AGBL4: variants seen among roughly 807,000 people sequenced by gnomAD.
AGBL4 encodes the protein AGBL carboxypeptidase 4, also known as cytosolic carboxypeptidase 6.
Under a neutral mutation model 66.4 loss-of-function variants are expected in AGBL4, and 58 were observed. The ratio of observed to expected loss-of-function variants is 0.87; its 90% CI spans 0.71 to 1.09. The LOEUF (loss-of-function observed/expected upper bound fraction) is 1.09. Ranked by LOEUF, AGBL4 falls within the 50% of genes least tolerant of loss-of-function variation. AGBL4 has a pLI of 0.00. For missense variants in AGBL4, 579 were observed against 631.0 expected (o/e 0.92, Z 0.88); for synonymous variants, 234 against 222.9 (o/e 1.05, Z -0.44).
At chr1:49,301,386 T>C (rs1161910408) in intron 3 of AGBL4, among the ~76,000 whole-genome samples, 2 of 152,250 alleles carry the variant, frequency 1.3e-5, no homozygotes, top group East Asian at 1.9e-4. Flanking sequence ...CTAATCACTA[T>C]GTGTGGGCTT....
chr1:48,968,334 T>A (rs1571123228), intron 5 of AGBL4, among the ~76,000 whole-genome samples: 2 of 152,276 alleles, frequency 1.3e-5, no homozygotes, highest in Admixed American at 6.5e-5. Context: ...AGGTGAATGC[T>A]AAGCCACTGA....
chr1:49,508,311 G>A (rs1359967321), intron 3 of AGBL4, among the ~76,000 whole-genome samples: 1 of 151,870 alleles, frequency 6.6e-6, no homozygotes, highest in Non-Finnish European at 1.5e-5. Context: ...AGATAAATGA[G>A]AAGTGCCAAC....
intron 2 of AGBL4, among the ~76,000 whole-genome samples, chr1:49,818,679 T>G (rs1053287961): frequency 2.6e-5 from 4 of 152,094 alleles, no homozygotes; most frequent in African/African-American, 9.7e-5. Flanking sequence ...AAAGAACCAA[T>G]ATGATATGTG....
intron 2 of AGBL4, among the ~76,000 whole-genome samples, chr1:49,698,290 A>C (rs1339392228): frequency 6.6e-6 from 1 of 152,166 alleles, no homozygotes; most frequent in Non-Finnish European, 1.5e-5. Context: ...ATTAATAGAA[A>C]CATGAAAATT....
chr1:48,742,859 G>A, intron 6 of AGBL4: 1 of 1,325,760 alleles, frequency 7.5e-7, no homozygotes, highest in Non-Finnish European at 9.9e-7. Context: ...AGCACACCAT[G>A]GCACAAAAAA....
intron 5 of AGBL4, among the ~76,000 whole-genome samples, chr1:48,869,252 C>T (rs1648409917): frequency 6.6e-6 from 1 of 152,190 alleles, no homozygotes; most frequent in African/African-American, 2.4e-5. Flanking sequence ...AAGAACATAT[C>T]CTAGCACTGA....
At chr1:49,743,526 C>G (rs374846825) in intron 2 of AGBL4, among the ~76,000 whole-genome samples, 3 of 152,078 alleles carry the variant, frequency 2.0e-5, no homozygotes, top group Non-Finnish European at 4.4e-5. Context: ...CTAGAAATAC[C>G]ATTTGACCCA....
intron 2 of AGBL4, among the ~76,000 whole-genome samples, chr1:49,766,641 G>T (rs1367976442): frequency 1.3e-5 from 2 of 150,164 alleles, no homozygotes; most frequent in Admixed American, 6.6e-5. Context: ...TGGCAAGCTG[G>T]ATTAAAAAAA....
At chr1:49,970,709 AC>A (rs1257035448) in intron 1 of AGBL4, among the ~76,000 whole-genome samples, 1 of 3,478 alleles carries the variant, frequency 2.9e-4, no homozygotes, top group East Asian at 0.17. Flanking sequence ...AAAAAACAAA[AC>A]ACACACACAC....
intron 3 of AGBL4, among the ~76,000 whole-genome samples, chr1:49,386,498 G>A (rs538104337): frequency 3.7e-4 from 56 of 151,992 alleles, no homozygotes; most frequent in African/African-American, 1.2e-3. Flanking sequence ...ATGTGTATAC[G>A]TAAGGAGAAT....
chr1:48,940,920 T>A (rs891218529), intron 5 of AGBL4, among the ~76,000 whole-genome samples: 3 of 152,298 alleles, frequency 2.0e-5, no homozygotes, highest in Admixed American at 6.5e-5. Context: ...AACTTAACAT[T>A]TGAACCTTTT....
chr1:48,740,651 T>A (rs2054727), intron 6 of AGBL4, among the ~76,000 whole-genome samples: 98,926 of 152,100 alleles, frequency 0.65, 33,631 homozygotes, highest in Non-Finnish European at 0.77. Context: ...AATATATTTA[T>A]GTGAAAAGTT....
At chr1:49,897,014 T>TA (rs1376180762) in intron 1 of AGBL4, among the ~76,000 whole-genome samples, 2 of 151,864 alleles carry the variant, frequency 1.3e-5, no homozygotes, top group Admixed American at 6.6e-5. Context: ...AAACTTAATT[T>TA]AAAAAAACTG....
intron 3 of AGBL4, among the ~76,000 whole-genome samples, chr1:49,360,950 C>CCA (rs1553188751): frequency 1.3e-5 from 2 of 152,038 alleles, no homozygotes; most frequent in Non-Finnish European, 2.9e-5. Flanking sequence ...GCACCTGCCA[C>CCA]CACACCTGGC....
At chr1:48,957,423 T>A (rs1359292013) in intron 5 of AGBL4, among the ~76,000 whole-genome samples, 4 of 152,208 alleles carry the variant, frequency 2.6e-5, no homozygotes, top group Non-Finnish European at 5.9e-5. Context: ...ATGCTGTGAC[T>A]AAAGAAATCT....
intron 1 of AGBL4, among the ~76,000 whole-genome samples, chr1:49,880,041 T>G (rs1647168947): frequency 6.6e-6 from 1 of 151,504 alleles, no homozygotes; most frequent in Non-Finnish European, 1.5e-5. Flanking sequence ...TCTGTATTGG[T>G]TATTCTAGTT....
At chr1:49,007,119 AAAACT>A in intron 5 of AGBL4, among the ~76,000 whole-genome samples, 1 of 36,516 alleles carries the variant, frequency 2.7e-5, no homozygotes, top group Non-Finnish European at 7.2e-5. Flanking sequence ...AAAGAAGTTG[AAAACT>A]TTGAAAAAAA....
intron 6 of AGBL4, among the ~76,000 whole-genome samples, chr1:48,805,643 G>A (rs1468014782): frequency 6.6e-6 from 1 of 152,170 alleles, no homozygotes; most frequent in Non-Finnish European, 1.5e-5. Context: ...ACAACTGTGT[G>A]ATTTTCCAGC....
chr1:49,500,864 G>GT (rs35710297), intron 3 of AGBL4, among the ~76,000 whole-genome samples: 103,350 of 151,690 alleles, frequency 0.68, 36,040 homozygotes, highest in African/African-American at 0.77. Flanking sequence ...AAAGCGGGCT[G>GT]TTTTTAATTC....
Sources: gnomAD v4.1 joint callset for allele counts (sites outside exome capture counted in the v4.1 genomes callset) on GRCh38, gnomAD v4.1.1 for gene constraint, MANE v1.5 for transcripts, NCBI Gene and HGNC (gene_info 2026-07-23, HGNC 2026-07-21) for gene names.